The following VPS13B variants were observed in gnomAD, a reference collection of about 807,000 sequenced individuals.
The protein encoded by VPS13B is vacuolar protein sorting 13 homolog B, also known as intermembrane lipid transfer protein VPS13B.
A neutral mutation model predicts 426.4 loss-of-function variants in VPS13B; 285 were observed. The observed-to-expected ratio is 0.67, with a 90% confidence interval of 0.61 to 0.74. VPS13B has a LOEUF of 0.74. Ranked by LOEUF, VPS13B falls within the 30% of genes least tolerant of loss-of-function variation. VPS13B has a pLI of 0.00. For synonymous variants in VPS13B, 1,676 were observed against 1,676.4 expected (o/e 1.00, Z 0.01); for missense variants, 4,537 against 4,782.6 (o/e 0.95, Z 1.51).
At chr8:99,155,938 A>T (rs1206718536) in intron 14 of VPS13B, among the ~76,000 whole-genome samples, 1 of 152,176 alleles carries the variant, frequency 6.6e-6, no homozygotes, top group Non-Finnish European at 1.5e-5. Context: ...CATACGCTGG[A>T]CATCTTGAAA....
rs1817701194 is a variant in VPS13B at position 99,876,352 on chromosome 8, A to C, written c.*686A>C. 6.9e-6 allele frequency: 1 copy of C among 144,140 alleles called. No individual in the cohort carries two copies. The highest frequency in any genetic ancestry group is 2.8e-5 in the African/African-American group (1 of 35,642). 8.9% of individuals were successfully genotyped at this position (144,140 alleles called of 1,614,324 possible). ...TCTCTGAAGTCTGCATTTTACTAAA[A>C]TTTACAACAGTCTGATGATTGATTG... On this transcript the variant is annotated 3_prime_UTR_variant, in exon 62 of 62. Coordinates refer to ENST00000357162, the MANE Select transcript of VPS13B (RefSeq NM_152564.5).
At chr8:99,381,329 AT>A (rs1250498070) in intron 19 of VPS13B, among the ~76,000 whole-genome samples, 1 of 152,030 alleles carries the variant, frequency 6.6e-6, no homozygotes, top group Non-Finnish European at 1.5e-5. Flanking sequence ...GGTTGATTCC[AT>A]GTCTTTGCTA....
chr8:99,256,769 C>A (rs1817764199), intron 17 of VPS13B, among the ~76,000 whole-genome samples: 1 of 152,030 alleles, frequency 6.6e-6, no homozygotes, highest in East Asian at 1.9e-4. Flanking sequence ...TAGAGATTAT[C>A]TATGTATTCT....
intron 39 of VPS13B, among the ~76,000 whole-genome samples, chr8:99,731,573 T>C (rs1833600525): frequency 6.6e-6 from 1 of 152,052 alleles, no homozygotes; most frequent in Admixed American, 6.6e-5. Flanking sequence ...ATTAGTAGTC[T>C]TGTGGAGGTG....
At chr8:99,353,284 A>G (rs1036081717) in intron 19 of VPS13B, among the ~76,000 whole-genome samples, 1 of 152,160 alleles carries the variant, frequency 6.6e-6, no homozygotes, top group Non-Finnish European at 1.5e-5. Context: ...ACGCCCGACC[A>G]CACTATGTTC....
chr8:99,379,829 A>G (rs1813695783), intron 19 of VPS13B, among the ~76,000 whole-genome samples: 1 of 152,126 alleles, frequency 6.6e-6, no homozygotes, highest in Admixed American at 6.5e-5. Context: ...TTACAGTTCA[A>G]GGGGCTCATT....
At chr8:99,093,530 T>TC (rs1165848326) in intron 3 of VPS13B, among the ~76,000 whole-genome samples, 2 of 89,052 alleles carry the variant, frequency 2.2e-5, no homozygotes, top group Non-Finnish European at 4.7e-5. Flanking sequence ...ACCTCCCCCC[T>TC]CCCCCCACCT....
chr8:99,390,061 G>A (rs1814339597), intron 20 of VPS13B, among the ~76,000 whole-genome samples: 1 of 151,628 alleles, frequency 6.6e-6, no homozygotes, highest in African/African-American at 2.4e-5. Context: ...TCTATGTTAT[G>A]ATGCTTTCGA....
In VPS13B at chr8:99,651,243, A is replaced by G. The variant is rs149944590; in HGVS notation, c.5908+8745A>G. Reference sequence around the variant, plus strand: ...GCTAAAGCAAAATTAAAAGTATGATAATTATAATTTTGAAAGTCCTATTAA... The same window carrying G: ...GCTAAAGCAAAATTAAAAGTATGATGATTATAATTTTGAAAGTCCTATTAA... On this transcript the variant is annotated intron_variant, in intron 34 of 61. Transcript: ENST00000357162. 8.3e-4 allele frequency among the ~76,000 whole-genome samples: 126 copies of G among 152,280 alleles called. No individual in the cohort carries two copies. In the Middle Eastern group the frequency reaches 0.01, roughly 12 times the overall value.
At chr8:99,412,663 A>G (rs1046724395) in intron 21 of VPS13B, among the ~76,000 whole-genome samples, 1 of 152,164 alleles carries the variant, frequency 6.6e-6, no homozygotes, top group African/African-American at 2.4e-5. Context: ...TTCAAAGGGA[A>G]TGCTTCCAGC....
At chr8:99,686,011 C>G (rs756582574) in intron 35 of VPS13B, among the ~76,000 whole-genome samples, 12 of 152,106 alleles carry the variant, frequency 7.9e-5, no homozygotes, top group Non-Finnish European at 1.6e-4. Flanking sequence ...TCCAGGTATA[C>G]GAAGAGACTT....
intron 30 of VPS13B, among the ~76,000 whole-genome samples, chr8:99,537,518 C>T (rs777196063): frequency 6.6e-5 from 10 of 152,186 alleles, no homozygotes; most frequent in Non-Finnish European, 1.2e-4. Context: ...TATGCAGTTA[C>T]AGTACCTTAT....
intron 30 of VPS13B, among the ~76,000 whole-genome samples, chr8:99,533,210 A>G (rs1242107039): frequency 6.6e-6 from 1 of 152,142 alleles, no homozygotes; most frequent in African/African-American, 2.4e-5. Context: ...AAGTGCTAGG[A>G]TTACAGGCAT....
chr8:99,032,698 T>G (rs1056277703), intron 2 of VPS13B, among the ~76,000 whole-genome samples: 5 of 47,606 alleles, frequency 1.1e-4, no homozygotes, highest in Admixed American at 6.4e-4. Context: ...TCGGGCTATT[T>G]TTGTTTTTTT....
At chr8:99,408,433 A>C (rs895901117) in intron 21 of VPS13B, among the ~76,000 whole-genome samples, 4 of 152,162 alleles carry the variant, frequency 2.6e-5, no homozygotes, top group Non-Finnish European at 4.4e-5. Context: ...TGTATGGTGT[A>C]ACAGAGAAGG....
At chr8:99,147,484 C>G (rs969386875) in intron 13 of VPS13B, among the ~76,000 whole-genome samples, 1 of 152,086 alleles carries the variant, frequency 6.6e-6, no homozygotes, top group African/African-American at 2.4e-5. Context: ...TGGATCTTCC[C>G]CCTCCCCATC....
At chr8:99,219,878 G>A (rs1815606870) in intron 17 of VPS13B, among the ~76,000 whole-genome samples, 6 of 152,168 alleles carry the variant, frequency 3.9e-5, no homozygotes, top group Admixed American at 3.9e-4. Context: ...AAAAGCTTCT[G>A]GGTGCCAAGC....
chr8:99,608,530 C>A (rs1304762791), intron 33 of VPS13B, among the ~76,000 whole-genome samples: 2 of 152,124 alleles, frequency 1.3e-5, no homozygotes, highest in East Asian at 3.8e-4. Context: ...AAATGTACAG[C>A]TGTATGACCT....
Position 99,859,414 on chromosome 8 carries a change from G to T in VPS13B, c.10978G>T (p.Gly3660Cys). The change falls in exon 57 of 62, where the codon GGC becomes TGC. Residue 3660 changes from glycine (G) to cysteine (C), a missense_variant. Physicochemically the swap from Gly to Cys is radical, Grantham distance 159. Around this residue, in one of 2 missense-constraint regions of VPS13B, gnomAD observed 4,311 missense variants for 4,474.3 expected, o/e 0.96. Coordinates refer to ENST00000357162, the MANE Select transcript of VPS13B (RefSeq NM_152564.5). ...GCTTCCGTATGAGGGGCTGACCCGGGGCCCTGGAGCCTTCGTGAGTGGCGT... is the reference window on the plus strand; with the variant it reads ...GCTTCCGTATGAGGGGCTGACCCGGTGCCCTGGAGCCTTCGTGAGTGGCGT... ...FRLPYEGLTR[G>C]PGAFVSGVSR... 6.2e-7 allele frequency: 1 copy of T among 1,614,128 alleles called. No individual in the cohort carries two copies. The highest frequency in any genetic ancestry group is 1.1e-5 in the South Asian group (1 of 91,076).
Sources: allele counts gnomAD v4.1 joint callset (sites outside exome capture counted in the v4.1 genomes callset), GRCh38; gene constraint gnomAD v4.1.1; regional missense constraint gnomAD v4.1.1; transcripts MANE v1.5; gene names NCBI Gene and HGNC (gene_info 2026-07-23, HGNC 2026-07-21).